Variants in NUMA1 observed in about 807,000 individuals in gnomAD.
NUMA1 encodes SP-H antigen.
A neutral mutation model predicts 237.1 loss-of-function variants in NUMA1; 62 were observed. That is an observed-to-expected ratio of 0.26 (90% CI 0.21 to 0.32). The LOEUF (loss-of-function observed/expected upper bound fraction) is 0.32. NUMA1 is among the 10% of genes least tolerant of loss of function. The pLI is 1.00. For synonymous variants in NUMA1, 1,028 were observed against 1,066.1 expected (o/e 0.96, Z 0.70); for missense variants, 2,533 against 2,666.5 (o/e 0.95, Z 1.10).
Position 72,015,058 on chromosome 11 carries a change from C to T in NUMA1, c.2445G>A (p.Glu815=). The change falls in exon 15 of 27, where the codon GAG becomes GAA. Residue 815 remains glutamate, a synonymous_variant. Transcript: ENST00000393695. This position sits in a 1 kb window ranked among gnomAD's most constrained non-coding sequence, Gnocchi z 4.0. ...QLVKEVAAWR[E]RYEDSQQEEA... ...CCTCTTGCTGGCTATCCTCATACCG[C>T]TCACGCCAGGCAGCTACTTCTTTGA... 6.2e-7 allele frequency: 1 copy of T among 1,614,144 alleles called. No homozygotes were observed. Among genetic ancestry groups the T allele is most frequent in the South Asian group, 1.1e-5 (1 of 91,088 alleles).
At chr11:72,026,607 T>C (rs773796906) in intron 4 of NUMA1, among the ~76,000 whole-genome samples, 9 of 152,184 alleles carry the variant, frequency 5.9e-5, no homozygotes, top group Non-Finnish European at 1.3e-4. Context: ...GAAGGCCAAG[T>C]GGCCAAGCAG....
chr11:72,024,463 TGGAAG>T, intron 4 of NUMA1, 110 bp from the exon 5 acceptor site: 9 of 963,950 alleles, frequency 9.3e-6, no homozygotes, highest in Non-Finnish European at 1.5e-5. Flanking sequence ...CTGCTGGATC[TGGAAG>T]AGATCCAGAT....
chr11:72,072,975 A>G (rs1943525613), intron 1 of NUMA1, among the ~76,000 whole-genome samples: 1 of 134,296 alleles, frequency 7.4e-6, no homozygotes, highest in Non-Finnish European at 1.6e-5. Context: ...TGAACCTGGG[A>G]GGCGGAGCTT....
At chr11:72,074,323 A>T (rs998064628) in intron 1 of NUMA1, among the ~76,000 whole-genome samples, 68 of 152,330 alleles carry the variant, frequency 4.5e-4, no homozygotes, top group African/African-American at 1.6e-3. Context: ...ACTGTACTCC[A>T]GTCTGGGTGA....
chr11:72,019,077 G>A (rs113936038), intron 9 of NUMA1, 97 bp from the exon 10 acceptor site: 110 of 1,353,676 alleles, frequency 8.1e-5, no homozygotes, highest in African/African-American at 1.4e-4. Context: ...ATGGAAGTGC[G>A]CACTAGCAGC....
rs767554043 is a variant in NUMA1 at position 72,009,110 on chromosome 11, C to G, written c.4915G>C (p.Glu1639Gln). The G allele has an allele frequency of 6.2e-7, 1 of 1,612,644 alleles. No homozygotes were observed. The highest frequency in any genetic ancestry group is 8.5e-7 in the Non-Finnish European group (1 of 1,179,854). The change falls in exon 19 of 27, where the codon GAG becomes CAG. Residue 1639 changes from glutamate (E) to glutamine (Q), a missense_variant. Glu to Gln is a conservative substitution (Grantham distance 29, BLOSUM62 2). Around this residue, in one of 3 missense-constraint regions of NUMA1, gnomAD observed 795 missense variants for 750.8 expected, o/e 1.06. Transcript: ENST00000393695. ...TCTTTGTTTTCCTTCTGCAGCTGCTCCAGGCTCCGCAGCTGCTCCTGCAGC... is the reference window on the plus strand; with the variant it reads ...TCTTTGTTTTCCTTCTGCAGCTGCTGCAGGCTCCGCAGCTGCTCCTGCAGC... ...QELQEQLRSL[E>Q]QLQKENKELR...
At chr11:72,057,698 T>A (rs1451861060) in intron 2 of NUMA1, among the ~76,000 whole-genome samples, 1 of 148,052 alleles carries the variant, frequency 6.8e-6, no homozygotes, top group Admixed American at 6.8e-5. Context: ...GAGCCAAGAT[T>A]GCACCACTGT....
chr11:72,023,971 G>A (rs191044011), intron 5 of NUMA1: 439 of 312,916 alleles, frequency 1.4e-3, no homozygotes, highest in Non-Finnish European at 2.1e-3. Flanking sequence ...CTTGAAGTTC[G>A]GGGAAACAGA....
chr11:72,012,821 T>C (rs530992755), intron 15 of NUMA1, 74 bp downstream of exon 15: 2 of 1,554,914 alleles, frequency 1.3e-6, no homozygotes, highest in East Asian at 2.3e-5. Context: ...CTAGAGGCCC[T>C]GGACACAGAG....
At chr11:72,009,489 A>G in intron 17 of NUMA1, 102 bp from the exon 18 acceptor site, 2 of 1,436,078 alleles carry the variant, frequency 1.4e-6, no homozygotes, top group Non-Finnish European at 1.8e-6. Flanking sequence ...AGACTCCTGC[A>G]CTTTCTTAGG....
chr11:72,076,089 A>C (rs1943693340), intron 1 of NUMA1, among the ~76,000 whole-genome samples: 1 of 152,256 alleles, frequency 6.6e-6, no homozygotes, highest in Non-Finnish European at 1.5e-5. Flanking sequence ...GGAATTCAAA[A>C]CAGGCTGGGT....
chr11:72,009,278 T>C lies in NUMA1; in HGVS notation c.4829A>G (p.Tyr1610Cys), dbSNP rs1300875316. 1.9e-6 allele frequency: 3 copies of C among 1,613,222 alleles called. No homozygotes were observed. Among genetic ancestry groups the C allele is most frequent in the South Asian group, 1.1e-5 (1 of 90,946 alleles). Residue 1610 changes from tyrosine (Y) to cysteine (C), a missense_variant, in exon 18 of 27, where the codon TAT (tyrosine) becomes TGT (cysteine). Coordinates refer to ENST00000393695, the MANE Select transcript of NUMA1 (RefSeq NM_006185.4). ...LSQKEQAAEH[Y>C]KLQMEKAKTH... is the part of the protein sequence containing the mutation. ...GGCTGGGCTCCTTACCTGCAGCTTA[T>C]AGTGCTCAGCTGCCTGCTCCTTCTG...
intron 2 of NUMA1, among the ~76,000 whole-genome samples, chr11:72,042,779 G>T (rs1467908722): frequency 6.6e-6 from 1 of 152,160 alleles, no homozygotes; most frequent in African/African-American, 2.4e-5. Flanking sequence ...GAGTCAGGAA[G>T]CTGCACAGTC....
chr11:72,022,330 A>C lies in NUMA1; in HGVS notation c.372+9T>G. The C allele has an allele frequency of 6.2e-7, 1 of 1,603,942 alleles. No individual in the cohort carries two copies. The highest frequency in any genetic ancestry group is 8.5e-7 in the Non-Finnish European group (1 of 1,171,854). On this transcript the variant is annotated intron_variant, in intron 7 of 26. Coordinates refer to ENST00000393695, the MANE Select transcript of NUMA1 (RefSeq NM_006185.4). ...GCCTGCTAGGTGGCATGGAGGCACA[A>C]GGGCTTACCTGAATTTTATATTCAA...
intron 1 of NUMA1, among the ~76,000 whole-genome samples, chr11:72,076,004 GA>G (rs921327656): frequency 6.6e-6 from 1 of 151,958 alleles, no homozygotes; most frequent in Non-Finnish European, 1.5e-5. Flanking sequence ...AATAGACTAG[GA>G]AAAAAAATCT....
In NUMA1 at chr11:72,035,984, CAA is replaced by C; in HGVS notation, c.-32-11_-32-10del. 6.2e-7 allele frequency: 1 copy of C among 1,604,348 alleles called. No homozygotes were observed. Among genetic ancestry groups the C allele is most frequent in the South Asian group, 1.1e-5 (1 of 90,814 alleles). On this transcript the variant is annotated splice_polypyrimidine_tract_variant and intron_variant, in intron 2 of 26. Coordinates refer to ENST00000393695, the MANE Select transcript of NUMA1 (RefSeq NM_006185.4). ...CAGTCACTCCAATGCGCCTGGAACC[CAA>C]GAGAGGAAGAAAAGCAGTTAATCAT... is the stretch of plus-strand genomic sequence containing the variant.
Position 72,017,560 on chromosome 11 carries a change from A to G in NUMA1, c.1119+127T>C, listed in dbSNP as rs116595355. On this transcript the variant is annotated intron_variant, in intron 13 of 26. Transcript: ENST00000393695. The stretch of plus-strand genomic sequence containing the variant: ...CTGAAGCCCACAATCTTTCAATTAC[A>G]GCACACTATTGAACCTTGAAGAGAA... 9.3e-4 allele frequency: 1,076 copies of G among 1,160,266 alleles called. 7 individuals are homozygous for G. The African/African-American group carries it at 0.014, about 15-fold the overall frequency. 71.9% of individuals were successfully genotyped at this position (1,160,266 alleles called of 1,614,324 possible). A position where few individuals can be genotyped will look rare whatever the true frequency, so the allele number is the denominator to read the frequency against.
chr11:72,023,636 G>A (rs1291079629), intron 5 of NUMA1, among the ~76,000 whole-genome samples: 1 of 152,078 alleles, frequency 6.6e-6, no homozygotes, highest in African/African-American at 2.4e-5. Context: ...AATTCTCTAG[G>A]GGTGGAGATG....
intron 2 of NUMA1, among the ~76,000 whole-genome samples, chr11:72,043,351 G>A (rs532540034): frequency 2.2e-5 from 3 of 138,166 alleles, no homozygotes; most frequent in Non-Finnish European, 4.6e-5. Context: ...TTAGCCAGGC[G>A]GAGTTCTTTT....
Sources: gnomAD v4.1 joint callset for allele counts (sites outside exome capture counted in the v4.1 genomes callset) on GRCh38, gnomAD v4.1.1 for gene constraint, gnomAD v4.1.1 regional missense constraint, Gnocchi (gnomAD v3.1) non-coding constraint, MANE v1.5 for transcripts, NCBI Gene and HGNC (gene_info 2026-07-23, HGNC 2026-07-21) for gene names.